Variants in ADGRB3 observed in about 807,000 individuals in gnomAD.
ADGRB3 encodes the protein adhesion G protein-coupled receptor B3, also known as brain-specific angiogenesis inhibitor 3.
A neutral mutation model predicts 193.4 loss-of-function variants in ADGRB3; 37 were observed. That is an observed-to-expected ratio of 0.19 (90% CI 0.15 to 0.25). The LOEUF (loss-of-function observed/expected upper bound fraction) is 0.25. Among genes scored for constraint, ADGRB3 ranks in the 10% least tolerant of loss-of-function variants. ADGRB3 has a pLI of 1.00. For missense variants in ADGRB3, 1,637 were observed against 1,852.9 expected, an observed-to-expected ratio of 0.88 and a Z score of 2.14; for synonymous variants, 690 against 644.2, an observed-to-expected ratio of 1.07 and a Z score of -1.08.
At chr6:68,642,816 A>C (rs958247517) in intron 3 of ADGRB3, among the ~76,000 whole-genome samples, 14 of 151,958 alleles carry the variant, frequency 9.2e-5, no homozygotes, top group African/African-American at 3.4e-4. Flanking sequence ...TAAAAAAAAA[A>C]ACTCAAATAA....
At chr6:69,337,918 C>T (rs1221067670) in intron 24 of ADGRB3, among the ~76,000 whole-genome samples, 2 of 152,178 alleles carry the variant, frequency 1.3e-5, no homozygotes. Context: ...ACAGAGTAAT[C>T]ATTTTAGACA....
Position 69,361,169 on chromosome 6 carries a change from C to G in ADGRB3, c.3896C>G (p.Pro1299Arg), listed in dbSNP as rs746483861. Residue 1299 changes from proline to arginine, a missense_variant, in exon 29 of 32, where the codon CCT becomes CGT. Around this residue, in one of 7 missense-constraint regions of ADGRB3, gnomAD observed 368 missense variants for 367.4 expected, o/e 1.00. Transcript: ENST00000370598. The stretch of plus-strand genomic sequence containing the variant: ...GGGGCTGACATGGACATAGTCCATC[C>G]TCAAGAAAGAATGATGGAAAGTGAC... Reference protein sequence around the residue: ...LRGADMDIVHPQERMMESDYI... With the variant: ...LRGADMDIVHRQERMMESDYI... 2 of 1,612,648 alleles carry G rather than the reference C, an allele frequency of 1.2e-6. No homozygotes were observed. The highest frequency in any genetic ancestry group is 2.2e-5 in the South Asian group (2 of 91,044).
intron 17 of ADGRB3, among the ~76,000 whole-genome samples, chr6:69,109,903 C>A (rs566725318): frequency 6.6e-6 from 1 of 150,480 alleles, no homozygotes; most frequent in South Asian, 2.1e-4. Context: ...CATGATACTT[C>A]AAAAATGGAA....
chr6:69,082,721 CT>C (rs139177632), intron 17 of ADGRB3, among the ~76,000 whole-genome samples: 4,183 of 152,100 alleles, frequency 0.028, 79 homozygotes, highest in Non-Finnish European at 0.042. Context: ...ATTTTGTAAT[CT>C]GTGGCTGACA....
chr6:68,910,361 G>T (rs546992478), intron 3 of ADGRB3, among the ~76,000 whole-genome samples: 1 of 152,142 alleles, frequency 6.6e-6, no homozygotes, highest in Non-Finnish European at 1.5e-5. Context: ...TAGGTTGCCT[G>T]TTCACTCTGA....
intron 20 of ADGRB3, among the ~76,000 whole-genome samples, chr6:69,253,107 A>T (rs1216522106): frequency 6.6e-6 from 1 of 151,844 alleles, no homozygotes; most frequent in Non-Finnish European, 1.5e-5. Flanking sequence ...GTATGTGTGG[A>T]TCTGTTTCTG....
chr6:68,648,079 C>G (rs188500086), intron 3 of ADGRB3, among the ~76,000 whole-genome samples: 1 of 152,154 alleles, frequency 6.6e-6, no homozygotes, highest in Admixed American at 6.6e-5. Context: ...CAACTATCCT[C>G]CAGGAATTTT....
chr6:68,730,495 A>G (rs966133338), intron 3 of ADGRB3, among the ~76,000 whole-genome samples: 2 of 151,686 alleles, frequency 1.3e-5, no homozygotes, highest in African/African-American at 4.8e-5. Flanking sequence ...AGAAGAAAGA[A>G]TGAGAAAATA....
At position 69,040,274 on chromosome 6, in the gene ADGRB3, T is replaced by C. The variant is rs1461665339; in HGVS notation, c.2108-7911T>C. ...GTCTTCATCGCTTTCCCCCACTCTA[T>C]TGTCAGGTTTTTGCCTTCCTTCCTT... On this transcript the variant is annotated intron_variant, in intron 13 of 31. Coordinates refer to ENST00000370598, the MANE Select transcript of ADGRB3 (RefSeq NM_001704.3). Among the ~76,000 whole-genome samples, 3 of 152,134 alleles carry C rather than the reference T, an allele frequency of 2.0e-5. No individual in the cohort carries two copies. In the East Asian group the frequency reaches 5.8e-4, roughly 29 times the overall value.
intron 3 of ADGRB3, among the ~76,000 whole-genome samples, chr6:68,684,024 T>C (rs944471653): frequency 6.6e-6 from 1 of 152,222 alleles, no homozygotes; most frequent in African/African-American, 2.4e-5. Flanking sequence ...ATTTCCTGAC[T>C]TGATATGTTA....
rs5877164 is a variant in ADGRB3 at position 68,661,341 on chromosome 6, A to G, written c.757+21909A>G. 6.1e-3 allele frequency among the ~76,000 whole-genome samples: 345 copies of G among 57,012 alleles called. 14 individuals carry two copies. The highest frequency in any genetic ancestry group is 0.016 in the East Asian group (40 of 2,490). The allele number at this position is 57,012 out of a possible 152,430, so 37.4% of individuals were successfully genotyped here. A position where few individuals can be genotyped will look rare whatever the true frequency, so the allele number is the denominator to read the frequency against. On this transcript the variant is annotated intron_variant, in intron 3 of 31. Coordinates refer to ENST00000370598, the MANE Select transcript of ADGRB3 (RefSeq NM_001704.3). ...TGTGTGTGTGTATATATATATATAT[A>G]TGTGTGTGTGTGTGTGTGTGTGTAT... is the stretch of plus-strand genomic sequence containing the variant.
intron 3 of ADGRB3, among the ~76,000 whole-genome samples, chr6:68,699,658 C>G (rs1205841294): frequency 6.6e-6 from 1 of 151,742 alleles, no homozygotes; most frequent in African/African-American, 2.4e-5. Flanking sequence ...AAATCACAAA[C>G]AGAATACAAA....
intron 3 of ADGRB3, among the ~76,000 whole-genome samples, chr6:68,917,515 T>TA (rs1766916713): frequency 6.6e-6 from 1 of 152,182 alleles, no homozygotes; most frequent in Non-Finnish European, 1.5e-5. Context: ...TGTTTCAAGT[T>TA]AAAAAATCTC....
Position 68,849,350 on chromosome 6 carries a change from CA to C in ADGRB3, c.758-81199del, listed in dbSNP as rs372179475. Among the ~76,000 whole-genome samples the C allele has an allele frequency of 1.7e-3, 253 of 147,952 alleles. 1 individual carries two copies. Among genetic ancestry groups the C allele is most frequent in the African/African-American group, 4.6e-3 (186 of 40,334 alleles). On this transcript the variant is annotated intron_variant, in intron 3 of 31. Coordinates refer to ENST00000370598, the MANE Select transcript of ADGRB3 (RefSeq NM_001704.3). The stretch of plus-strand genomic sequence containing the variant: ...TTAAGTTAAATTCTAATTTACAATT[CA>C]AAAAAAAAATCACTGAAAATTTAAG...
chr6:68,858,252 C>A (rs1282505698), intron 3 of ADGRB3, among the ~76,000 whole-genome samples: 1 of 152,090 alleles, frequency 6.6e-6, no homozygotes, highest in African/African-American at 2.4e-5. Context: ...CGCCTGTAAT[C>A]CCAGCACTTT....
intron 30 of ADGRB3, among the ~76,000 whole-genome samples, chr6:69,372,839 G>T (rs187693897): frequency 2.1e-4 from 32 of 152,014 alleles, no homozygotes; most frequent in African/African-American, 7.5e-4. Context: ...TGCTTAGGCT[G>T]GTTAGCTAGG....
intron 5 of ADGRB3, among the ~76,000 whole-genome samples, chr6:68,941,146 A>G (rs1349174537): frequency 6.6e-6 from 1 of 152,212 alleles, no homozygotes; most frequent in African/African-American, 2.4e-5. Flanking sequence ...TAAATGAACT[A>G]GACCATTTAT....
chr6:68,645,084 C>G (rs1023875827), intron 3 of ADGRB3, among the ~76,000 whole-genome samples: 1 of 151,952 alleles, frequency 6.6e-6, no homozygotes, highest in Non-Finnish European at 1.5e-5. Context: ...TTTCTTTAGG[C>G]TCAGTCTGGT....
At chr6:69,199,779 T>C (rs1265766443) in intron 17 of ADGRB3, among the ~76,000 whole-genome samples, 1 of 152,100 alleles carries the variant, frequency 6.6e-6, no homozygotes, top group East Asian at 1.9e-4. Context: ...TGGATGAGCA[T>C]TTAGAAATTA....
Sources: gnomAD v4.1 joint callset for allele counts (sites outside exome capture counted in the v4.1 genomes callset) on GRCh38, gnomAD v4.1.1 for gene constraint, gnomAD v4.1.1 regional missense constraint, MANE v1.5 for transcripts, NCBI Gene and HGNC (gene_info 2026-07-23, HGNC 2026-07-21) for gene names.